FGF1: variants seen among roughly 807,000 people sequenced by gnomAD.
FGF1 encodes beta-endothelial cell growth factor.
In FGF1, 9 loss-of-function variants were observed where a neutral mutation model predicts 13.4. That is an observed-to-expected ratio of 0.67 (90% CI 0.40 to 1.17). The LOEUF (loss-of-function observed/expected upper bound fraction) is 1.17, where lower values mean the gene tolerates loss of function less well. Ranked by LOEUF, FGF1 falls within the 50% of genes most tolerant of loss-of-function variation. The pLI is 0.01. For missense variants in FGF1, 156 were observed against 192.7 expected (o/e 0.81, Z 1.13); for synonymous variants, 93 against 79.0 (o/e 1.18, Z -0.94).
intron 1 of FGF1, among the ~76,000 whole-genome samples, chr5:142,670,169 T>A (rs1256664103): frequency 2.0e-5 from 3 of 152,154 alleles, no homozygotes; most frequent in Non-Finnish European, 4.4e-5. Context: ...TTCCCTTGTT[T>A]CCTACTTCCC....
chr5:142,627,605 C>G (rs569326292), intron 1 of FGF1, among the ~76,000 whole-genome samples: 1 of 152,324 alleles, frequency 6.6e-6, no homozygotes, highest in East Asian at 1.9e-4. Context: ...CATTCTGGAT[C>G]TTGAAAGGGG....
intron 1 of FGF1, among the ~76,000 whole-genome samples, chr5:142,653,396 C>A (rs995754892): frequency 1.3e-5 from 2 of 152,184 alleles, no homozygotes; most frequent in Non-Finnish European, 2.9e-5. Context: ...GAAAGGAGCA[C>A]ATAGAAGTGA....
chr5:142,689,850 T>C (rs969679417), upstream of FGF1, among the ~76,000 whole-genome samples: 3 of 150,440 alleles, frequency 2.0e-5, no homozygotes, highest in East Asian at 2.0e-4. Flanking sequence ...AGGCGCCCGC[T>C]ACCACGCCTG....
upstream of FGF1, among the ~76,000 whole-genome samples, chr5:142,689,953 G>C (rs1751901662): frequency 6.7e-6 from 1 of 148,370 alleles, no homozygotes; most frequent in Admixed American, 6.7e-5. Context: ...TGCCCACCTC[G>C]GCCTCCCAAA....
At chr5:142,683,154 A>C (rs1305959652) in intron 1 of FGF1, among the ~76,000 whole-genome samples, 1 of 152,154 alleles carries the variant, frequency 6.6e-6, no homozygotes, top group Non-Finnish European at 1.5e-5. Context: ...ACTTCAGATT[A>C]TTTTTCCAGC....
intron 1 of FGF1, among the ~76,000 whole-genome samples, chr5:142,620,939 G>A (rs1009012226): frequency 2.0e-5 from 3 of 152,170 alleles, no homozygotes; most frequent in East Asian, 3.8e-4. Flanking sequence ...TGGTGAAAAT[G>A]CCCTTTCAGT....
rs537797130 is a variant in FGF1 at position 142,681,770 on chromosome 5, C to A, written c.-35+4187G>T. Among the ~76,000 whole-genome samples the A allele has an allele frequency of 8.4e-4, 128 of 152,308 alleles. 3 individuals are homozygous for A. Among genetic ancestry groups the A allele is most frequent in the Non-Finnish European group, 2.5e-4 (17 of 68,026 alleles). ...CCACTTGGTGGCTGTGTGACCTTAG[C>A]CAAACACCCCACCCAACAAGCCTCA... On this transcript the variant is annotated intron_variant, in intron 1 of 3. Transcript: ENST00000337706.
At chr5:142,626,715 G>A (rs1762522350) in intron 1 of FGF1, 1 of 152,214 alleles carries the variant, frequency 6.6e-6, no homozygotes, top group Non-Finnish European at 1.5e-5. Flanking sequence ...TTTCCTGATT[G>A]TCACTCCTGT....
chr5:142,640,428 G>GGT (rs1554084932), intron 1 of FGF1, among the ~76,000 whole-genome samples: 1 of 142,380 alleles, frequency 7.0e-6, no homozygotes, highest in Non-Finnish European at 1.5e-5. Context: ...GAGTATGGTG[G>GGT]GGGGGGGGGT....
intron 1 of FGF1, among the ~76,000 whole-genome samples, chr5:142,633,415 T>C (rs768248686): frequency 3.9e-5 from 6 of 152,226 alleles, no homozygotes; most frequent in African/African-American, 1.4e-4. Flanking sequence ...TTCTGATGTA[T>C]ATGTCTGCTC....
intron 2 of FGF1, among the ~76,000 whole-genome samples, chr5:142,692,707 A>G (rs1752434435): frequency 1.3e-5 from 2 of 150,502 alleles, no homozygotes; most frequent in South Asian, 4.2e-4. Context: ...ACACACGCAC[A>G]GACACACACA....
intron 1 of FGF1, among the ~76,000 whole-genome samples, chr5:142,665,009 A>G (rs11167783): frequency 0.15 from 22,366 of 152,220 alleles, 1,956 homozygotes; most frequent in Non-Finnish European, 0.2. Flanking sequence ...AAATTATTAA[A>G]CAGTAACATT....
intron 2 of FGF1, among the ~76,000 whole-genome samples, chr5:142,606,592 C>T (rs1379705910): frequency 1.3e-5 from 2 of 152,128 alleles, no homozygotes; most frequent in Non-Finnish European, 2.9e-5. Context: ...CACTGCACTC[C>T]AGCCTGGCGG....
At chr5:142,667,648 G>A (rs58714878) in intron 1 of FGF1, among the ~76,000 whole-genome samples, 11 of 151,344 alleles carry the variant, frequency 7.3e-5, no homozygotes, top group Middle Eastern at 3.4e-3. Flanking sequence ...TTAGTCCCTC[G>A]CAGGCTGATG....
intron 1 of FGF1, among the ~76,000 whole-genome samples, chr5:142,678,915 A>T (rs17208894): frequency 0.048 from 7,331 of 152,242 alleles, 251 homozygotes; most frequent in South Asian, 0.098. Flanking sequence ...AGGAAGGACT[A>T]TGGCTAAAAC....
intron 1 of FGF1, among the ~76,000 whole-genome samples, chr5:142,615,541 G>A (rs1327313761): frequency 6.6e-6 from 1 of 152,100 alleles, no homozygotes; most frequent in African/African-American, 2.4e-5. Context: ...TACTTTGTAA[G>A]TGTGAGTAGT....
chr5:142,617,054 G>A lies in FGF1; in HGVS notation c.-34-2893C>T, dbSNP rs567841468. Among the ~76,000 whole-genome samples the A allele has an allele frequency of 3.3e-5, 5 of 151,892 alleles. No individual in the cohort carries two copies. The South Asian group carries it at 8.3e-4, about 25-fold the overall frequency. On this transcript the variant is annotated intron_variant, in intron 1 of 3. Coordinates refer to ENST00000337706, the MANE Select transcript of FGF1 (RefSeq NM_000800.5). The stretch of plus-strand genomic sequence containing the variant: ...AGGTCCCATTTGCCTCTGATTGTGG[G>A]GCAATTTCATTTTAAGAATGGCCTT...
chr5:142,650,777 G>A (rs17099157), intron 1 of FGF1, among the ~76,000 whole-genome samples: 7,370 of 151,976 alleles, frequency 0.048, 254 homozygotes, highest in Middle Eastern at 0.15. Flanking sequence ...ATAGAAATCC[G>A]AAACATGCAG....
chr5:142,683,514 T>C (rs965091927), intron 1 of FGF1, among the ~76,000 whole-genome samples: 1 of 152,102 alleles, frequency 6.6e-6, no homozygotes, highest in Non-Finnish European at 1.5e-5. Context: ...ATAATATGGA[T>C]TCTTGCAAAA....
Sources: gnomAD v4.1 joint callset for allele counts (sites outside exome capture counted in the v4.1 genomes callset) on GRCh38, gnomAD v4.1.1 for gene constraint, MANE v1.5 for transcripts, NCBI Gene and HGNC (gene_info 2026-07-23, HGNC 2026-07-21) for gene names.